Variants in DPP10 observed in about 807,000 individuals in gnomAD.
The protein encoded by DPP10 is inactive dipeptidyl peptidase 10.
A neutral mutation model predicts 120.9 loss-of-function variants in DPP10; 33 were observed. That is an observed-to-expected ratio of 0.27 (90% confidence interval 0.21 to 0.37). The LOEUF (loss-of-function observed/expected upper bound fraction) is 0.37. Among genes scored for constraint, DPP10 ranks in the 10% least tolerant of loss-of-function variants. DPP10 has a pLI of 1.00. For missense variants in DPP10, 816 were observed against 942.8 expected (o/e 0.87, Z 1.76); for synonymous variants, 337 against 326.1 (o/e 1.03, Z -0.36).
chr2:115,297,622 A>G (rs1471562120), intron 1 of DPP10, among the ~76,000 whole-genome samples: 1 of 152,050 alleles, frequency 6.6e-6, no homozygotes, highest in Non-Finnish European at 1.5e-5. Flanking sequence ...ATGCAATGAG[A>G]AGTAACTATG....
At chr2:114,447,939 A>C (rs1456735196) in intron 1 of DPP10, among the ~76,000 whole-genome samples, 1 of 152,240 alleles carries the variant, frequency 6.6e-6, no homozygotes, top group South Asian at 2.1e-4. Context: ...TATATGCTTA[A>C]GGCAAAATCA....
intron 2 of DPP10, among the ~76,000 whole-genome samples, chr2:115,336,885 G>T (rs2063173459): frequency 6.6e-6 from 1 of 151,800 alleles, no homozygotes. Flanking sequence ...ATGAATGATT[G>T]ATATCCAGGT....
At chr2:114,478,215 T>C (rs1012922239) in intron 1 of DPP10, among the ~76,000 whole-genome samples, 1 of 152,100 alleles carries the variant, frequency 6.6e-6, no homozygotes, top group African/African-American at 2.4e-5. Flanking sequence ...AGAAGAATTA[T>C]ACAGTGTGAT....
chr2:115,724,133 T>C (rs934484246), intron 7 of DPP10, among the ~76,000 whole-genome samples: 1 of 152,202 alleles, frequency 6.6e-6, no homozygotes, highest in Non-Finnish European at 1.5e-5. Context: ...TTGTCGCAGG[T>C]TGAATCACTT....
chr2:115,661,634 A>G (rs1040670615), intron 5 of DPP10, among the ~76,000 whole-genome samples: 7 of 152,210 alleles, frequency 4.6e-5, no homozygotes, highest in Non-Finnish European at 7.3e-5. Context: ...GTTTCAGCCA[A>G]CATTCCTAGA....
At chr2:115,330,703 A>G (rs1425767363) in intron 2 of DPP10, among the ~76,000 whole-genome samples, 4 of 151,992 alleles carry the variant, frequency 2.6e-5, no homozygotes, top group Non-Finnish European at 4.4e-5. Flanking sequence ...TCCTTTCCCC[A>G]TTGCTTGTTT....
chr2:114,631,357 C>A (rs754044454), intron 1 of DPP10, among the ~76,000 whole-genome samples: 2 of 152,042 alleles, frequency 1.3e-5, no homozygotes, highest in Non-Finnish European at 2.9e-5. Context: ...CTGCAGGCCA[C>A]GTTCCCCTGC....
chr2:114,739,735 G>GT (rs1487660126), intron 1 of DPP10, among the ~76,000 whole-genome samples: 1 of 152,116 alleles, frequency 6.6e-6, no homozygotes, highest in Non-Finnish European at 1.5e-5. Flanking sequence ...TGGTGGCAAC[G>GT]TTTAGATTTT....
chr2:114,588,128 A>C (rs1207470359), intron 1 of DPP10, among the ~76,000 whole-genome samples: 3 of 152,216 alleles, frequency 2.0e-5, no homozygotes, highest in Admixed American at 6.5e-5. Flanking sequence ...TTTACAGAAC[A>C]AATAAAAAAG....
chr2:114,648,464 G>T (rs948890494), intron 1 of DPP10, among the ~76,000 whole-genome samples: 2 of 152,106 alleles, frequency 1.3e-5, no homozygotes, highest in African/African-American at 2.4e-5. Context: ...TGCTTAAGTG[G>T]CTCAGCCCAT....
At chr2:115,381,597 G>T (rs2066362016) in intron 3 of DPP10, among the ~76,000 whole-genome samples, 1 of 152,202 alleles carries the variant, frequency 6.6e-6, no homozygotes, top group South Asian at 2.1e-4. Context: ...TGCTGGTGAG[G>T]AACTGCGTTC....
intron 1 of DPP10, among the ~76,000 whole-genome samples, chr2:114,800,142 G>C (rs920670405): frequency 6.6e-6 from 1 of 152,148 alleles, no homozygotes; most frequent in African/African-American, 2.4e-5. Context: ...GGCTATACAC[G>C]ATTAAATGGA....
intron 1 of DPP10, among the ~76,000 whole-genome samples, chr2:114,721,351 CT>C (rs1263174384): frequency 1.3e-5 from 2 of 152,216 alleles, no homozygotes; most frequent in African/African-American, 4.8e-5. Context: ...CAAAAGAGAT[CT>C]TGCTATTTCT....
chr2:115,675,543 G>A lies in DPP10; in HGVS notation c.442-14144G>A, dbSNP rs527989727. Among the ~76,000 whole-genome samples the A allele has an allele frequency of 3.9e-5, 6 of 152,312 alleles. No homozygotes were observed. In the East Asian group the frequency reaches 1.2e-3, roughly 30 times the overall value. On this transcript the variant is annotated intron_variant, in intron 5 of 25. Coordinates refer to ENST00000410059, the MANE Select transcript of DPP10 (RefSeq NM_020868.6). The stretch of plus-strand genomic sequence containing the variant: ...TGGAAGCTTGAGATGGTAGCATAGA[G>A]AGGGAAGCAAAGAATCTGGCCAAGA...
chr2:115,469,413 A>G (rs1485077968), intron 3 of DPP10, among the ~76,000 whole-genome samples: 3 of 152,120 alleles, frequency 2.0e-5, no homozygotes, highest in Admixed American at 1.3e-4. Context: ...ACTGGTTGTC[A>G]TTTTCTACTT....
intron 1 of DPP10, among the ~76,000 whole-genome samples, chr2:114,792,333 C>A (rs1354598166): frequency 2.0e-5 from 3 of 152,112 alleles, no homozygotes; most frequent in Non-Finnish European, 4.4e-5. Flanking sequence ...ATAAGGCACC[C>A]CTCTGAAGTA....
chr2:115,421,869 C>CAAAAAAAAAAAAAAAAAAAAAAAAA (rs10610510), intron 3 of DPP10, among the ~76,000 whole-genome samples: 1 of 46,884 alleles, frequency 2.1e-5, no homozygotes, highest in Non-Finnish European at 3.4e-5. Context: ...GACTCCATCT[C>CAAAAAAAAAAAAAAAAAAAAAAAAA]AAAAAAAAAA....
intron 1 of DPP10, among the ~76,000 whole-genome samples, chr2:115,109,158 C>A (rs1306456115): frequency 1.3e-5 from 2 of 152,064 alleles, no homozygotes; most frequent in Non-Finnish European, 2.9e-5. Context: ...AGGATTGCCC[C>A]TTGTAGTAAT....
intron 7 of DPP10, among the ~76,000 whole-genome samples, chr2:115,721,390 G>A (rs2092645482): frequency 2.0e-5 from 3 of 152,096 alleles, no homozygotes; most frequent in Admixed American, 1.3e-4. Flanking sequence ...CTATGGTTTT[G>A]TACAAATTTA....
Sources: gnomAD v4.1 joint callset for allele counts (sites outside exome capture counted in the v4.1 genomes callset) on GRCh38, gnomAD v4.1.1 for gene constraint, MANE v1.5 for transcripts, NCBI Gene and HGNC (gene_info 2026-07-23, HGNC 2026-07-21) for gene names.